RBM5: variants seen among roughly 807,000 people sequenced by gnomAD.
RBM5 encodes RNA binding motif protein 5.
RBM5 carries 15 observed loss-of-function variants against 124.6 expected under a neutral mutation model. The ratio of observed to expected loss-of-function variants is 0.12; its 90% confidence interval spans 0.08 to 0.19. The LOEUF is 0.19. RBM5 is among the 10% of genes least tolerant of loss of function. The probability of loss-of-function intolerance (pLI) is 1.00; values close to 1 mark genes in which losing one functional copy is unlikely to be tolerated. For missense variants in RBM5, 580 were observed against 1,026.5 expected, an observed-to-expected ratio of 0.57 and a Z score of 5.94; for synonymous variants, 337 against 361.2, an observed-to-expected ratio of 0.93 and a Z score of 0.76.
At chr3:50,110,332 A>T (rs779965567) in intron 15 of RBM5, 47 bp from the exon 16 acceptor site, 1 of 1,542,908 alleles carries the variant, frequency 6.5e-7, no homozygotes, top group South Asian at 1.1e-5. Flanking sequence ...TAGCTCTCTT[A>T]AAAGGCTTTA....
At chr3:50,116,979 A>G in intron 22 of RBM5, 95 bp from the exon 23 acceptor site, 2 of 1,177,494 alleles carry the variant, frequency 1.7e-6, no homozygotes, top group Non-Finnish European at 2.5e-6. Context: ...CTTCAGATTT[A>G]AAAATACTTG....
intron 17 of RBM5, 102 bp from the exon 18 acceptor site, chr3:50,113,281 T>C: frequency 2.4e-6 from 3 of 1,240,188 alleles, no homozygotes; most frequent in African/African-American, 1.5e-5. Context: ...GCAGGAAATA[T>C]CACTAGTCCA....
chr3:50,116,929 A>G, intron 22 of RBM5, 145 bp from the exon 23 acceptor site: 2 of 697,806 alleles, frequency 2.9e-6, no homozygotes, highest in Admixed American at 2.5e-5. Context: ...TGATGGGAAC[A>G]AGGGAATTTG....
chr3:50,116,744 A>G, intron 22 of RBM5: 2 of 351,088 alleles, frequency 5.7e-6, no homozygotes, highest in Non-Finnish European at 5.5e-6. Context: ...GCTGAGGAGA[A>G]CGGGCAACTC....
intron 17 of RBM5, chr3:50,111,025 A>T: frequency 2.1e-6 from 1 of 478,738 alleles, no homozygotes; most frequent in Non-Finnish European, 3.7e-6. Flanking sequence ...ATGTTTATAC[A>T]TGTCTATACA....
intron 18 of RBM5, 77 bp downstream of exon 18, chr3:50,113,621 A>C (rs1239314988): frequency 7.0e-7 from 1 of 1,425,612 alleles, no homozygotes; most frequent in Non-Finnish European, 9.4e-7. Flanking sequence ...CATTTATGTC[A>C]GTATTATTTG....
intron 7 of RBM5, 23 bp from the exon 8 acceptor site, chr3:50,104,225 A>T: frequency 6.2e-7 from 1 of 1,606,080 alleles, no homozygotes; most frequent in Non-Finnish European, 8.5e-7. Flanking sequence ...AGAAATAATT[A>T]CAGATAAAAC....
At chr3:50,091,559 A>G (rs1363773762) in intron 2 of RBM5, among the ~76,000 whole-genome samples, 1 of 152,190 alleles carries the variant, frequency 6.6e-6, no homozygotes, top group Non-Finnish European at 1.5e-5. Context: ...TGGGGAAAAA[A>G]AAGACTAACT....
At position 50,117,195 on chromosome 3, in the gene RBM5, G is replaced by C. The variant is rs542313057; in HGVS notation, c.2192+24G>C. ...GTGTATGTGATGTGCACATTTTCCA[G>C]TTCGTAAGCTGGGGCCCTGGCTGTT... On this transcript the variant is annotated intron_variant, in intron 23 of 24. Transcript: ENST00000347869. This position sits in a 1 kb window ranked among gnomAD's most constrained non-coding sequence, Gnocchi z 4.2. The C allele has an allele frequency of 3.1e-6, 5 of 1,614,214 alleles. No homozygotes were observed. Among genetic ancestry groups the C allele is most frequent in the Non-Finnish European group, 4.2e-6 (5 of 1,180,028 alleles).
intron 7 of RBM5, 99 bp from the exon 8 acceptor site, chr3:50,104,149 C>T: frequency 1.1e-6 from 1 of 944,412 alleles, no homozygotes. Context: ...TTCTGCTTTT[C>T]TGTTAGTTAC....
chr3:50,117,227 A>G lies in RBM5; in HGVS notation c.2193-23A>G. 6.2e-7 allele frequency: 1 copy of G among 1,614,168 alleles called. No individual in the cohort carries two copies. Among genetic ancestry groups the G allele is most frequent in the Non-Finnish European group, 8.5e-7 (1 of 1,180,000 alleles). The stretch of plus-strand genomic sequence containing the variant: ...AGCTGGGGCCCTGGCTGTTTTAAGT[A>G]ACTGTGTGTTTGCCACTGGCAGGAA... On this transcript the variant is annotated intron_variant, in intron 23 of 24. Transcript: ENST00000347869. The surrounding 1 kb of genome is among the most constrained non-coding windows in gnomAD (Gnocchi z 4.2).
At chr3:50,110,496 G>T (rs374478143) in intron 16 of RBM5, 33 bp downstream of exon 16, 37 of 1,588,780 alleles carry the variant, frequency 2.3e-5, no homozygotes, top group Non-Finnish European at 2.9e-5. Flanking sequence ...GTTGACAGTT[G>T]GAAGGTCTTA....
intron 6 of RBM5, chr3:50,102,842 C>T (rs2090966548): frequency 1.9e-5 from 9 of 480,658 alleles, no homozygotes; most frequent in Middle Eastern, 5.7e-4. Flanking sequence ...TGCAAGTCAG[C>T]GTTTAGTGTT....
At chr3:50,110,329 C>T (rs1168025715) in intron 15 of RBM5, 50 bp from the exon 16 acceptor site, 2 of 1,533,092 alleles carry the variant, frequency 1.3e-6, no homozygotes, top group Admixed American at 1.7e-5. Flanking sequence ...ATTTAGCTCT[C>T]TTAAAAGGCT....
At chr3:50,110,834 C>A (rs1204958527) in intron 17 of RBM5, 64 bp downstream of exon 17, 1 of 1,285,316 alleles carries the variant, frequency 7.8e-7, no homozygotes, top group Non-Finnish European at 1.1e-6. Flanking sequence ...ATTTATGAGG[C>A]ATAAAATGAA....
chr3:50,108,782 G>A (rs142727109), intron 14 of RBM5, among the ~76,000 whole-genome samples: 5 of 152,232 alleles, frequency 3.3e-5, no homozygotes, highest in East Asian at 1.9e-4. Flanking sequence ...GGAAGAATAC[G>A]GTTATTTGTG....
chr3:50,106,937 A>G (rs2091044421), intron 11 of RBM5, 73 bp downstream of exon 11: 1 of 1,244,716 alleles, frequency 8.0e-7, no homozygotes, highest in East Asian at 2.3e-5. Flanking sequence ...CTGAACGCCA[A>G]GCCTGTGCCC....
In RBM5 at chr3:50,099,946, A is replaced by C. The variant is rs758848890; in HGVS notation, c.340-36A>C. ...TTCCATGGGGAATAGTGTGTGGCAAAAGCTTTAACTGTAAATAATGTAAAA... is the reference window on the plus strand; with the variant it reads ...TTCCATGGGGAATAGTGTGTGGCAACAGCTTTAACTGTAAATAATGTAAAA... On this transcript the variant is annotated intron_variant, in intron 4 of 24. Coordinates refer to ENST00000347869, the MANE Select transcript of RBM5 (RefSeq NM_005778.4). 5 of 1,588,858 alleles carry C rather than the reference A, an allele frequency of 3.1e-6. No individual in the cohort carries two copies. The African/African-American group carries it at 5.4e-5, about 17-fold the overall frequency.
In RBM5 at chr3:50,106,832, T is replaced by C; in HGVS notation, c.921T>C (p.Thr307=). ...CTCCTTTGAAAATTGATGGCAAAAC[T>C]ATTGGGGTTGATTTTGCAAAAAGTG... is the stretch of plus-strand genomic sequence containing the variant. ...LHPPLKIDGK[T]IGVDFAKSAR... Residue 307 remains threonine, a synonymous_variant, in exon 11 of 25, where the codon ACT becomes ACC. Coordinates refer to ENST00000347869, the MANE Select transcript of RBM5 (RefSeq NM_005778.4). 1 of 1,612,872 alleles carries C rather than the reference T, an allele frequency of 6.2e-7. No homozygotes were observed. Among genetic ancestry groups the C allele is most frequent in the Non-Finnish European group, 8.5e-7 (1 of 1,178,816 alleles).
Sources: allele counts gnomAD v4.1 joint callset (sites outside exome capture counted in the v4.1 genomes callset), GRCh38; gene constraint gnomAD v4.1.1; non-coding constraint Gnocchi (gnomAD v3.1); transcripts MANE v1.5; gene names NCBI Gene and HGNC (gene_info 2026-07-23, HGNC 2026-07-21).